FHOD3: variants seen among roughly 807,000 people sequenced by gnomAD.
The protein encoded by FHOD3 is FH1/FH2 domain-containing protein 3.
FHOD3 carries 90 observed loss-of-function variants against 173.0 expected under a neutral mutation model. That is an observed-to-expected ratio of 0.52 (90% CI 0.44 to 0.62). The LOEUF (loss-of-function observed/expected upper bound fraction) is 0.62. Among genes scored for constraint, FHOD3 ranks in the 20% least tolerant of loss-of-function variants. FHOD3 has a pLI of 0.00. For synonymous variants in FHOD3, 828 were observed against 823.0 expected (o/e 1.01, Z -0.10); for missense variants, 1,945 against 2,034.7 (o/e 0.96, Z 0.85).
intron 5 of FHOD3, among the ~76,000 whole-genome samples, chr18:36,568,454 AC>A (rs1214471663): frequency 6.7e-6 from 1 of 149,342 alleles, no homozygotes; most frequent in Admixed American, 6.7e-5. Context: ...TTTTATGTGA[AC>A]CCCTGGGCTC....
chr18:36,477,778 T>C (rs1414736207), intron 3 of FHOD3, among the ~76,000 whole-genome samples: 1 of 152,030 alleles, frequency 6.6e-6, no homozygotes, highest in Non-Finnish European at 1.5e-5. Context: ...AAGGTACAAA[T>C]GTATGACAAG....
intron 3 of FHOD3, among the ~76,000 whole-genome samples, chr18:36,463,080 G>A (rs756350569): frequency 3.3e-5 from 5 of 151,996 alleles, no homozygotes; most frequent in Non-Finnish European, 7.4e-5. Context: ...TTGCAACTCT[G>A]ATTTCCATGA....
chr18:36,647,018 C>G (rs1235312869), intron 10 of FHOD3, among the ~76,000 whole-genome samples: 1 of 152,176 alleles, frequency 6.6e-6, no homozygotes, highest in Non-Finnish European at 1.5e-5. Flanking sequence ...GGGTGGATCA[C>G]CTGAGGTCGG....
At chr18:36,400,163 T>C (rs972148962) in intron 3 of FHOD3, among the ~76,000 whole-genome samples, 1 of 152,216 alleles carries the variant, frequency 6.6e-6, no homozygotes, top group Non-Finnish European at 1.5e-5. Context: ...TTTCAAGGTT[T>C]ATTTTTGTAT....
intron 3 of FHOD3, among the ~76,000 whole-genome samples, chr18:36,451,935 C>T (rs940485707): frequency 1.3e-5 from 2 of 152,086 alleles, no homozygotes; most frequent in African/African-American, 2.4e-5. Flanking sequence ...GTGTCCTGCT[C>T]CCCCAGTTCC....
intron 3 of FHOD3, among the ~76,000 whole-genome samples, chr18:36,497,167 A>C (rs918022750): frequency 6.6e-6 from 1 of 152,230 alleles, no homozygotes; most frequent in Admixed American, 6.5e-5. Flanking sequence ...ACAAATGACT[A>C]TAAAGGTTTT....
chr18:36,718,334 C>G lies in FHOD3; in HGVS notation c.3036C>G (p.Asp1012Glu). The G allele has an allele frequency of 2.5e-6, 4 of 1,613,828 alleles. No individual in the cohort carries two copies. In the South Asian group the frequency reaches 4.4e-5, roughly 18 times the overall value. Reference protein sequence around the residue: ...EEDDIDVLDVDLGHREAPGPP... With the variant: ...EEDDIDVLDVELGHREAPGPP... The stretch of plus-strand genomic sequence containing the variant: ...ATGACATTGATGTCCTAGATGTGGA[C>G]CTGGGTCACAGGGAGGCCCCTGGGC... Residue 1012 changes from aspartate to glutamate, a missense_variant, in exon 19 of 29, where the codon GAC (aspartate) becomes GAG (glutamate). By Grantham distance (45) the Asp-to-Glu change is conservative. Coordinates refer to ENST00000590592, the MANE Select transcript of FHOD3 (RefSeq NM_001281740.3).
At chr18:36,482,828 C>CAG (rs2053978157) in intron 3 of FHOD3, among the ~76,000 whole-genome samples, 9 of 74,582 alleles carry the variant, frequency 1.2e-4, no homozygotes, top group African/African-American at 5.7e-4. Flanking sequence ...AACAAACACA[C>CAG]ACACACACAC....
intron 7 of FHOD3, among the ~76,000 whole-genome samples, chr18:36,598,335 A>G (rs2030813808): frequency 6.6e-6 from 1 of 152,180 alleles, no homozygotes; most frequent in Non-Finnish European, 1.5e-5. Flanking sequence ...AATCATTACT[A>G]CCTAAAGCAA....
rs147218459 is a variant in FHOD3, at chr18:36,619,614, T to C, written c.958-5897T>C. Among the ~76,000 whole-genome samples the C allele has an allele frequency of 2.8e-4, 42 of 152,360 alleles. No individual in the cohort carries two copies. The East Asian group carries it at 4.1e-3, about 15-fold the overall frequency. Reference sequence around the variant, plus strand: ...TCTTCCTATTCATTTGCTTGTCTATTACTTTGTTCATTCCACAAAACTTCA... The same window carrying C: ...TCTTCCTATTCATTTGCTTGTCTATCACTTTGTTCATTCCACAAAACTTCA... On this transcript the variant is annotated intron_variant, in intron 9 of 28. Coordinates refer to ENST00000590592, the MANE Select transcript of FHOD3 (RefSeq NM_001281740.3).
intron 1 of FHOD3, among the ~76,000 whole-genome samples, chr18:36,298,849 G>A (rs1191109412): frequency 6.6e-6 from 1 of 152,058 alleles, no homozygotes; most frequent in East Asian, 1.9e-4. Flanking sequence ...AAAGAGGTGG[G>A]TATTGAAAGC....
chr18:36,425,243 C>G (rs2050178606), intron 3 of FHOD3, among the ~76,000 whole-genome samples: 1 of 152,114 alleles, frequency 6.6e-6, no homozygotes, highest in South Asian at 2.1e-4. Flanking sequence ...ATAAATTAAA[C>G]TTTATCATAA....
At position 36,645,119 on chromosome 18, in the gene FHOD3, T is replaced by C. The variant is rs539148094; in HGVS notation, c.1197-4197T>C. Among the ~76,000 whole-genome samples the C allele has an allele frequency of 3.3e-5, 5 of 152,120 alleles. No homozygotes were observed. The East Asian group carries it at 9.7e-4, about 29-fold the overall frequency. On this transcript the variant is annotated intron_variant, in intron 10 of 28. Coordinates refer to ENST00000590592, the MANE Select transcript of FHOD3 (RefSeq NM_001281740.3). ...AGACTGAGGCTGGTAGGGGGTGGTG[T>C]GTATGAGGGTATACTATGCCAAGCT... is the stretch of plus-strand genomic sequence containing the variant.
chr18:36,611,773 G>A (rs2032703629), intron 8 of FHOD3, among the ~76,000 whole-genome samples, 179 bp from the exon 9 acceptor site: 1 of 152,144 alleles, frequency 6.6e-6, no homozygotes, highest in Non-Finnish European at 1.5e-5. Flanking sequence ...GGAGAATATT[G>A]GGGTTCATTC....
intron 6 of FHOD3, among the ~76,000 whole-genome samples, chr18:36,583,825 T>C (rs915813473): frequency 4.0e-5 from 6 of 151,212 alleles, no homozygotes; most frequent in Non-Finnish European, 8.8e-5. Flanking sequence ...ATTATTATTA[T>C]TACTATTATT....
intron 10 of FHOD3, among the ~76,000 whole-genome samples, chr18:36,635,498 G>T (rs1381189990): frequency 2.6e-5 from 4 of 152,174 alleles, no homozygotes; most frequent in African/African-American, 9.7e-5. Context: ...GGCTTTCGCT[G>T]GTCCAGGAAG....
At chr18:36,517,447 C>A (rs1192006101) in intron 5 of FHOD3, among the ~76,000 whole-genome samples, 2 of 152,072 alleles carry the variant, frequency 1.3e-5, no homozygotes, top group South Asian at 4.1e-4. Flanking sequence ...TGCTGAATTG[C>A]ATGTGTCTTG....
At chr18:36,428,261 A>G (rs899425212) in intron 3 of FHOD3, among the ~76,000 whole-genome samples, 7 of 152,130 alleles carry the variant, frequency 4.6e-5, no homozygotes, top group Non-Finnish European at 7.3e-5. Context: ...GGCAGGAATC[A>G]TATTTATACT....
At chr18:36,752,752 A>G (rs2042456908) in intron 24 of FHOD3, among the ~76,000 whole-genome samples, 1 of 152,202 alleles carries the variant, frequency 6.6e-6, no homozygotes, top group African/African-American at 2.4e-5. Context: ...GTGCATCCAA[A>G]AACAATGCTC....
Sources: allele counts gnomAD v4.1 joint callset (sites outside exome capture counted in the v4.1 genomes callset), GRCh38; gene constraint gnomAD v4.1.1; transcripts MANE v1.5; gene names NCBI Gene and HGNC (gene_info 2026-07-23, HGNC 2026-07-21).